Variants in RPSA2 observed in about 807,000 individuals in gnomAD.
The protein encoded by RPSA2 is small ribosomal subunit protein uS2B.
the RPSA2 span, among the ~76,000 whole-genome samples, chr19:23,845,817 G>T: frequency 6.6e-6 from 1 of 151,726 alleles, no homozygotes. Context: ...TTCATTTACA[G>T]TGACTGTTTG....
At chr19:23,867,152 A>G in the RPSA2 span, among the ~76,000 whole-genome samples, 1 of 151,900 alleles carries the variant, frequency 6.6e-6, no homozygotes, top group Non-Finnish European at 1.5e-5. Context: ...GTACAAATTA[A>G]AAAAAAATGT....
chr19:23,834,518 T>G, the RPSA2 span, among the ~76,000 whole-genome samples: 1 of 152,058 alleles, frequency 6.6e-6, no homozygotes, highest in African/African-American at 2.4e-5. Flanking sequence ...TATTTTGTGA[T>G]ACATGAGGTA....
the RPSA2 span, among the ~76,000 whole-genome samples, chr19:23,851,632 G>T: frequency 0.011 from 1,652 of 152,230 alleles, 33 homozygotes; most frequent in African/African-American, 0.038. Context: ...ACCCTGTAAG[G>T]CAGTAATTAC....
the RPSA2 span, among the ~76,000 whole-genome samples, chr19:23,765,342 A>G: frequency 6.6e-6 from 1 of 152,176 alleles, no homozygotes; most frequent in African/African-American, 2.4e-5. Context: ...ATGCATGCGT[A>G]TGTGCACCGC....
At chr19:23,802,433 T>C in the RPSA2 span, among the ~76,000 whole-genome samples, 1 of 152,206 alleles carries the variant, frequency 6.6e-6, no homozygotes, top group Non-Finnish European at 1.5e-5. Context: ...TGCTGGCTTA[T>C]TATTGGTCCA....
chr19:23,815,935 CACTTG>C, the RPSA2 span, among the ~76,000 whole-genome samples: 23 of 150,562 alleles, frequency 1.5e-4, no homozygotes, highest in Admixed American at 6.6e-5. Context: ...CTCATGTTAG[CACTTG>C]ACTTAAAACA....
chr19:23,865,697 C>A, the RPSA2 span, among the ~76,000 whole-genome samples: 2 of 152,174 alleles, frequency 1.3e-5, no homozygotes, highest in Admixed American at 1.3e-4. Context: ...TAGAAACCCC[C>A]ACACAACAAA....
the RPSA2 span, among the ~76,000 whole-genome samples, chr19:23,864,327 C>T: frequency 1.4e-4 from 21 of 152,226 alleles, no homozygotes; most frequent in South Asian, 3.3e-3. Flanking sequence ...ATTAACATTC[C>T]ATTAATTTCC....
At chr19:23,766,453 T>A in the RPSA2 span, among the ~76,000 whole-genome samples, 2 of 766 alleles carry the variant, frequency 2.6e-3, no homozygotes, top group Non-Finnish European at 0.022. Context: ...TCAAGCTAAT[T>A]TTTTTTTTTT....
chr19:23,819,954 C>T, the RPSA2 span, among the ~76,000 whole-genome samples: 29 of 152,288 alleles, frequency 1.9e-4, no homozygotes, highest in East Asian at 5.8e-4. Context: ...CATTGTCTGA[C>T]GCTAGAGTCA....
the RPSA2 span, among the ~76,000 whole-genome samples, chr19:23,857,877 A>C: frequency 0.98 from 148,851 of 152,180 alleles, 72,890 homozygotes; most frequent in Middle Eastern, 1. Flanking sequence ...TTAAAAGTGG[A>C]ATAAACCTTG....
At chr19:23,824,093 T>C in the RPSA2 span, among the ~76,000 whole-genome samples, 1 of 152,200 alleles carries the variant, frequency 6.6e-6, no homozygotes, top group Non-Finnish European at 1.5e-5. Context: ...TTGTCTTTTA[T>C]ATGTGCATGG....
chr19:23,816,950 T>C, the RPSA2 span, among the ~76,000 whole-genome samples: 1 of 152,150 alleles, frequency 6.6e-6, no homozygotes, highest in Non-Finnish European at 1.5e-5. Flanking sequence ...GAGACTTGGG[T>C]TGGGACACAG....
chr19:23,858,266 G>C, the RPSA2 span, among the ~76,000 whole-genome samples: 1 of 109,424 alleles, frequency 9.1e-6, no homozygotes. Context: ...TAGGTAGGGT[G>C]GGGGGTGGGT....
the RPSA2 span, among the ~76,000 whole-genome samples, chr19:23,850,628 G>C: frequency 0.012 from 1,791 of 151,676 alleles, 39 homozygotes; most frequent in African/African-American, 0.04. Context: ...ACAGGGGATT[G>C]ATGATCTCCT....
the RPSA2 span, chr19:23,827,551 C>G: frequency 2.6e-5 from 42 of 1,595,034 alleles, no homozygotes; most frequent in Non-Finnish European, 3.6e-5. Flanking sequence ...CCAGGGCTGA[C>G]CACCAGCCTC....
the RPSA2 span, among the ~76,000 whole-genome samples, chr19:23,846,383 TTATC>T: frequency 6.6e-6 from 1 of 152,202 alleles, no homozygotes; most frequent in Non-Finnish European, 1.5e-5. Flanking sequence ...TTTTTTCTTT[TTATC>T]TATTTATATT....
chr19:23,758,698 C>A, the RPSA2 span: 1 of 1,614,112 alleles, frequency 6.2e-7, no homozygotes, highest in Non-Finnish European at 8.5e-7. Flanking sequence ...GTCTGAGTCC[C>A]GCCACAGCCC....
the RPSA2 span, chr19:23,807,813 G>A: frequency 2.5e-6 from 1 of 397,466 alleles, no homozygotes; most frequent in East Asian, 8.0e-5. Flanking sequence ...GTGTGTTTGT[G>A]TGTCTTTTCC....
Sources: allele counts gnomAD v4.1 joint callset (sites outside exome capture counted in the v4.1 genomes callset), GRCh38; gene constraint gnomAD v4.1.1; transcripts MANE v1.5; gene names NCBI Gene and HGNC (gene_info 2026-07-23, HGNC 2026-07-21).